Variants in PRKCB observed in about 807,000 individuals in gnomAD.
PRKCB encodes the protein protein kinase C beta type.
In PRKCB, 13 loss-of-function variants were observed where a neutral mutation model predicts 81.5. The observed-to-expected ratio is 0.16, with a 90% CI of 0.10 to 0.25. The LOEUF (loss-of-function observed/expected upper bound fraction) is 0.25. PRKCB is among the 10% of genes least tolerant of loss of function. The pLI, the probability that PRKCB is intolerant of heterozygous loss-of-function variation, is 1.00. For missense variants in PRKCB, 509 were observed against 875.7 expected, an observed-to-expected ratio of 0.58 and a Z score of 5.29; for synonymous variants, 335 against 321.4, an observed-to-expected ratio of 1.04 and a Z score of -0.45.
At chr16:24,111,976 G>C (rs398682) in intron 7 of PRKCB, among the ~76,000 whole-genome samples, 66,588 of 152,078 alleles carry the variant, frequency 0.44, 16,040 homozygotes, top group Non-Finnish European at 0.54. Context: ...GAAAAACAGA[G>C]GCCCAGAGAG....
At chr16:24,060,720 TCC>T (rs1349136636) in intron 5 of PRKCB, among the ~76,000 whole-genome samples, 8 of 152,256 alleles carry the variant, frequency 5.3e-5, no homozygotes, top group African/African-American at 1.9e-4. Context: ...TAAATGCTCT[TCC>T]CCAGCCTCAG....
intron 16 of PRKCB, among the ~76,000 whole-genome samples, chr16:24,202,588 T>C (rs1383911057): frequency 7.2e-5 from 11 of 152,186 alleles, no homozygotes; most frequent in Admixed American, 7.2e-4. Flanking sequence ...GCTTCCTGGT[T>C]CTCCTTCCCA....
intron 2 of PRKCB, among the ~76,000 whole-genome samples, chr16:23,937,583 A>G (rs541482793): frequency 6.6e-6 from 1 of 152,350 alleles, no homozygotes; most frequent in South Asian, 2.1e-4. Flanking sequence ...TGAAATATCC[A>G]TTAACTCAAA....
At chr16:24,060,341 T>C (rs1596532148) in intron 5 of PRKCB, among the ~76,000 whole-genome samples, 1 of 152,132 alleles carries the variant, frequency 6.6e-6, no homozygotes, top group African/African-American at 2.4e-5. Flanking sequence ...GCTTAGTGCA[T>C]AATGAGGGGT....
At chr16:23,875,659 C>T (rs972034348) in intron 2 of PRKCB, among the ~76,000 whole-genome samples, 3 of 92,836 alleles carry the variant, frequency 3.2e-5, no homozygotes, top group Non-Finnish European at 7.0e-5. Flanking sequence ...GTATATCACA[C>T]ATATATATGT....
intron 9 of PRKCB, among the ~76,000 whole-genome samples, chr16:24,138,975 C>T (rs1157899318): frequency 6.6e-6 from 1 of 151,448 alleles, no homozygotes; most frequent in African/African-American, 2.4e-5. Context: ...CCTCAGCCTC[C>T]TGAGTAGCTG....
intron 7 of PRKCB, among the ~76,000 whole-genome samples, chr16:24,100,384 C>T (rs1450819936): frequency 6.6e-6 from 1 of 152,150 alleles, no homozygotes; most frequent in Non-Finnish European, 1.5e-5. Context: ...ATCATTCTGG[C>T]TTTGTGCTGA....
intron 2 of PRKCB, among the ~76,000 whole-genome samples, chr16:23,961,632 G>A (rs192306302): frequency 9.4e-4 from 143 of 152,242 alleles, no homozygotes; most frequent in African/African-American, 3.4e-3. Flanking sequence ...CAGTTGCCAC[G>A]GAGATGTAAT....
chr16:23,892,680 C>T (rs909472157), intron 2 of PRKCB, among the ~76,000 whole-genome samples: 1 of 151,988 alleles, frequency 6.6e-6, no homozygotes, highest in Non-Finnish European at 1.5e-5. Flanking sequence ...GAGTGCCTAC[C>T]GGTATACAGC....
chr16:24,125,186 T>C (rs11641295), intron 9 of PRKCB, among the ~76,000 whole-genome samples: 112,463 of 151,780 alleles, frequency 0.74, 42,440 homozygotes, highest in East Asian at 0.87. Flanking sequence ...TTCTACTTCG[T>C]AGCCGTAATA....
intron 2 of PRKCB, among the ~76,000 whole-genome samples, chr16:23,913,635 G>A (rs910328368): frequency 2.0e-5 from 3 of 152,220 alleles, no homozygotes; most frequent in African/African-American, 7.2e-5. Flanking sequence ...AGTCTGAACG[G>A]TGATATCTTA....
At chr16:23,861,915 C>T (rs1294533524) in intron 2 of PRKCB, among the ~76,000 whole-genome samples, 1 of 152,206 alleles carries the variant, frequency 6.6e-6, no homozygotes, top group Non-Finnish European at 1.5e-5. Context: ...AATTCTCTTA[C>T]TGCTTAAAAC....
At chr16:23,991,472 T>C (rs186025169) in intron 3 of PRKCB, among the ~76,000 whole-genome samples, 2 of 152,336 alleles carry the variant, frequency 1.3e-5, no homozygotes, top group Admixed American at 1.3e-4. Flanking sequence ...TGAGTGTTCA[T>C]GCAGACTGAA....
intron 8 of PRKCB, among the ~76,000 whole-genome samples, chr16:24,114,857 A>T (rs79218457): frequency 4.0e-4 from 53 of 133,944 alleles, no homozygotes; most frequent in Admixed American, 1.3e-3. Context: ...ACACACAAAT[A>T]AAAAAAAAAC....
At chr16:24,162,675 A>G (rs1334832063) in intron 10 of PRKCB, among the ~76,000 whole-genome samples, 1 of 151,828 alleles carries the variant, frequency 6.6e-6, no homozygotes, top group Non-Finnish European at 1.5e-5. Context: ...GCTGCTCTCA[A>G]ACTCCTAGGC....
intron 2 of PRKCB, among the ~76,000 whole-genome samples, chr16:23,982,984 C>G (rs1428221633): frequency 6.6e-6 from 1 of 152,072 alleles, no homozygotes; most frequent in Non-Finnish European, 1.5e-5. Flanking sequence ...GGCTTTCAAC[C>G]TTTGTAGAGC....
intron 5 of PRKCB, among the ~76,000 whole-genome samples, chr16:24,043,546 C>T (rs970728026): frequency 6.6e-6 from 1 of 152,166 alleles, no homozygotes; most frequent in African/African-American, 2.4e-5. Context: ...GGAAGGGTCT[C>T]TTGCCCATCC....
intron 16 of PRKCB, among the ~76,000 whole-genome samples, chr16:24,202,146 CCTT>C (rs1247331125): frequency 2.6e-5 from 4 of 152,076 alleles, no homozygotes; most frequent in Admixed American, 6.5e-5. Flanking sequence ...TCTATCCTGG[CCTT>C]CTCCTTTGTG....
At chr16:23,841,679 G>A (rs1449784103) in intron 2 of PRKCB, among the ~76,000 whole-genome samples, 5 of 99,304 alleles carry the variant, frequency 5.0e-5, no homozygotes, top group South Asian at 3.8e-4. Context: ...TTTTTGAGAC[G>A]GAGTCTTACT....
Sources: gnomAD v4.1 joint callset for allele counts (sites outside exome capture counted in the v4.1 genomes callset) on GRCh38, gnomAD v4.1.1 for gene constraint, MANE v1.5 for transcripts, NCBI Gene and HGNC (gene_info 2026-07-23, HGNC 2026-07-21) for gene names.